ATAD3C: variants seen among roughly 807,000 people sequenced by gnomAD.
The protein encoded by ATAD3C is ATPase family AAA domain containing 3C.
Under a neutral mutation model 46.3 loss-of-function variants are expected in ATAD3C, and 38 were observed. The ratio of observed to expected loss-of-function variants is 0.82; its 90% CI spans 0.63 to 1.08. The LOEUF (loss-of-function observed/expected upper bound fraction) is 1.08, where lower values mean the gene tolerates loss of function less well. Ranked by LOEUF, ATAD3C falls within the 50% of genes least tolerant of loss-of-function variation. ATAD3C has a pLI of 0.00. For missense variants in ATAD3C, 563 were observed against 572.7 expected (o/e 0.98, Z 0.17); for synonymous variants, 220 against 236.4 (o/e 0.93, Z 0.63).
At chr1:1,463,754 T>A (rs1449555591) in intron 11 of ATAD3C, among the ~76,000 whole-genome samples, 1 of 151,146 alleles carries the variant, frequency 6.6e-6, no homozygotes, top group Non-Finnish European at 1.5e-5. Flanking sequence ...CTACAAAAAA[T>A]AAAAAAAATT....
chr1:1,460,651 T>C, intron 9 of ATAD3C, 99 bp from the exon 10 acceptor site: 1 of 1,421,832 alleles, frequency 7.0e-7, no homozygotes, highest in Non-Finnish European at 9.2e-7. Context: ...CTTTAGATTC[T>C]CCCAGAAAGT....
chr1:1,457,595 C>CAAAAAAA lies in ATAD3C; in HGVS notation c.741+428_741+434dup, dbSNP rs777757826. 2.2e-3 allele frequency among the ~76,000 whole-genome samples: 80 copies of CAAAAAAA among 36,442 alleles called. 6 individuals are homozygous for CAAAAAAA. Among genetic ancestry groups the CAAAAAAA allele is most frequent in the African/African-American group, 9.5e-3 (70 of 7,366 alleles). 23.9% of individuals were successfully genotyped at this position (36,442 alleles called of 152,430 possible). ...TGGGCGACACAGCGAGACTTCATCT[C>CAAAAAAA]AAAAAAAAAAAAAAAAAAACAAAAA... On this transcript the variant is annotated intron_variant, in intron 8 of 11. Coordinates refer to ENST00000378785, the MANE Select transcript of ATAD3C (RefSeq NM_001039211.3).
At position 1,459,199 on chromosome 1, in the gene ATAD3C, C is replaced by T. The variant is rs578222969; in HGVS notation, c.780C>T (p.Ala260=). The change falls in exon 9 of 12, where the codon GCC becomes GCT. Residue 260 remains alanine, a synonymous_variant. Transcript: ENST00000378785. This position sits in a 1 kb window ranked among gnomAD's most constrained non-coding sequence, Gnocchi z 4.9. ...ISEDLRATLN[A]FLYRTGQHSN... ...AGGACCTCAGGGCCACACTGAACGC[C>T]TTCCTGTACCGCACGGGCCAGCACA... is the stretch of plus-strand genomic sequence containing the variant. 6 of 1,612,732 alleles carry T rather than the reference C, an allele frequency of 3.7e-6. No homozygotes were observed. The Admixed American group carries it at 6.7e-5, about 18-fold the overall frequency.
In ATAD3C at chr1:1,462,022, T is replaced by C. The variant is rs1436621396; in HGVS notation, c.981-578T>C. On this transcript the variant is annotated intron_variant, in intron 10 of 11. Coordinates refer to ENST00000378785, the MANE Select transcript of ATAD3C (RefSeq NM_001039211.3). The surrounding 1 kb of genome is among the most constrained non-coding windows in gnomAD (Gnocchi z 4.5). ...CACTCCAGATGAGCAGAGGCTGCTC[T>C]ACTTCTTGGCGTCCCCAGGGCCCCG... 4.6e-5 allele frequency among the ~76,000 whole-genome samples: 7 copies of C among 152,018 alleles called. 1 individual carries two copies. The highest frequency in any genetic ancestry group is 2.1e-4 in the South Asian group (1 of 4,818).
intron 11 of ATAD3C, among the ~76,000 whole-genome samples, chr1:1,467,145 G>A (rs1421253040): frequency 2.6e-5 from 4 of 152,042 alleles, no homozygotes; most frequent in Non-Finnish European, 4.4e-5. Flanking sequence ...CCACCCAGGA[G>A]GCCACGTGAC....
In ATAD3C at chr1:1,468,581, C is replaced by G. The variant is rs551436921; in HGVS notation, c.*51C>G. ...GAGCCTGGCCGCGGACCCCTCCCACCCCTGCCTTTGCGGCCCCGCACATTT... is the reference window on the plus strand; with the variant it reads ...GAGCCTGGCCGCGGACCCCTCCCACGCCTGCCTTTGCGGCCCCGCACATTT... On this transcript the variant is annotated 3_prime_UTR_variant, in exon 12 of 12. Transcript: ENST00000378785. 9 of 1,573,740 alleles carry G rather than the reference C, an allele frequency of 5.7e-6. No individual in the cohort carries two copies. The South Asian group carries it at 1.0e-4, about 18-fold the overall frequency.
In ATAD3C at chr1:1,460,737, C is replaced by T. The variant is rs769244429; in HGVS notation, c.813-13C>T. On this transcript the variant is annotated splice_polypyrimidine_tract_variant and intron_variant, in intron 9 of 11. Transcript: ENST00000378785. ...GCAGCCCCAGCGTTTCCTTCCCCAT[C>T]CCCGCCCCGCAGATTCATGCTGATC... 2 of 1,594,296 alleles carry T rather than the reference C, an allele frequency of 1.3e-6. No individual in the cohort carries two copies. Among genetic ancestry groups the T allele is most frequent in the Non-Finnish European group, 1.7e-6 (2 of 1,169,622 alleles).
chr1:1,452,816 GAA>G, intron 3 of ATAD3C, among the ~76,000 whole-genome samples: 1 of 126,416 alleles, frequency 7.9e-6, no homozygotes, highest in Middle Eastern at 3.8e-3. Context: ...AAAAAAGAAA[GAA>G]AGAAAGAAAG....
intron 11 of ATAD3C, among the ~76,000 whole-genome samples, chr1:1,465,221 G>A (rs1639126963): frequency 6.6e-6 from 1 of 151,850 alleles, no homozygotes; most frequent in African/African-American, 2.4e-5. Context: ...CACCTTCTCG[G>A]TCAAGTGAAT....
chr1:1,463,313 G>T (rs950935213), intron 11 of ATAD3C, among the ~76,000 whole-genome samples: 1 of 152,098 alleles, frequency 6.6e-6, no homozygotes, highest in South Asian at 2.1e-4. Flanking sequence ...GCAAAACCAG[G>T]TCTGTGGGGC....
chr1:1,460,777 C>T lies in ATAD3C; in HGVS notation c.840C>T (p.His280=), dbSNP rs1273855066. 8.7e-6 allele frequency: 14 copies of T among 1,610,710 alleles called. No homozygotes were observed. Among genetic ancestry groups the T allele is most frequent in the African/African-American group, 1.3e-5 (1 of 74,810 alleles). ...NKFMLILASC[H]PEQFDWAINA... The stretch of plus-strand genomic sequence containing the variant: ...TCATGCTGATCCTGGCCAGCTGCCA[C>T]CCCGAGCAGTTCGACTGGGCCATCA... The change falls in exon 10 of 12, where the codon CAC becomes CAT. Residue 280 remains histidine (H), a synonymous_variant. Coordinates refer to ENST00000378785, the MANE Select transcript of ATAD3C (RefSeq NM_001039211.3).
chr1:1,456,035 G>T, intron 6 of ATAD3C, 119 bp downstream of exon 6: 3 of 1,528,040 alleles, frequency 2.0e-6, no homozygotes, highest in East Asian at 2.4e-5. Context: ...GCCCACCCTC[G>T]TGTAGGCTCA....
chr1:1,455,684 T>C (rs933620267), intron 5 of ATAD3C, 107 bp from the exon 6 acceptor site: 2 of 1,563,658 alleles, frequency 1.3e-6, no homozygotes, highest in Non-Finnish European at 1.7e-6. Flanking sequence ...ACGAGCTGGG[T>C]GGCTCCCCGG....
rs772842560 is a variant in ATAD3C, at chr1:1,468,666, C to G, written c.*136C>G. 3.3e-6 allele frequency: 5 copies of G among 1,537,116 alleles called. No individual in the cohort carries two copies. The highest frequency in any genetic ancestry group is 1.2e-5 in the South Asian group (1 of 83,940). Reference sequence around the variant, plus strand: ...CCGCACCGCTGTGTCTATTGGCTGACACGGGGCGGGGTTTGGGGCCCCCTA... The same window carrying G: ...CCGCACCGCTGTGTCTATTGGCTGAGACGGGGCGGGGTTTGGGGCCCCCTA... On this transcript the variant is annotated 3_prime_UTR_variant, in exon 12 of 12. Coordinates refer to ENST00000378785, the MANE Select transcript of ATAD3C (RefSeq NM_001039211.3).
intron 11 of ATAD3C, among the ~76,000 whole-genome samples, chr1:1,465,184 C>T (rs1296243422): frequency 2.0e-5 from 3 of 151,658 alleles, no homozygotes; most frequent in Admixed American, 1.3e-4. Flanking sequence ...CCACGGAGCC[C>T]GGTCAGTTTT....
intron 4 of ATAD3C, among the ~76,000 whole-genome samples, chr1:1,455,250 A>G (rs1389152491): frequency 2.7e-5 from 4 of 150,500 alleles, no homozygotes; most frequent in Non-Finnish European, 4.4e-5. Flanking sequence ...AAAACCCAGA[A>G]AAAAGAGAAG....
chr1:1,460,724 T>C, intron 9 of ATAD3C, 26 bp from the exon 10 acceptor site: 1 of 1,581,720 alleles, frequency 6.3e-7, no homozygotes, highest in South Asian at 1.2e-5. Context: ...AGCCCCAGCG[T>C]TTCCTTCCCC....
At chr1:1,460,135 T>A (rs1205096564) in intron 9 of ATAD3C, among the ~76,000 whole-genome samples, 1 of 150,178 alleles carries the variant, frequency 6.7e-6, no homozygotes, top group African/African-American at 2.5e-5. Context: ...TGCAATGGCG[T>A]GATCTTGGCT....
chr1:1,454,120 C>T (rs1311752965), intron 3 of ATAD3C, among the ~76,000 whole-genome samples: 1 of 152,084 alleles, frequency 6.6e-6, no homozygotes, highest in Non-Finnish European at 1.5e-5. Flanking sequence ...CTACCAGTTG[C>T]AGAGAAAATG....
Sources: gnomAD v4.1 joint callset for allele counts (sites outside exome capture counted in the v4.1 genomes callset) on GRCh38, gnomAD v4.1.1 for gene constraint, Gnocchi (gnomAD v3.1) non-coding constraint, MANE v1.5 for transcripts, NCBI Gene and HGNC (gene_info 2026-07-23, HGNC 2026-07-21) for gene names.